The following KCNMB2 variants were observed in gnomAD, a reference collection of about 807,000 sequenced individuals.
KCNMB2 encodes the protein calcium-activated potassium channel subunit beta-2.
Under a neutral mutation model 24.5 loss-of-function variants are expected in KCNMB2, and 9 were observed. The observed-to-expected ratio is 0.37, with a 90% CI of 0.22 to 0.64. KCNMB2 has a LOEUF of 0.64. Ranked by LOEUF, KCNMB2 falls within the 30% of genes least tolerant of loss-of-function variation. The probability of loss-of-function intolerance (pLI) is 0.63; values close to 1 mark genes in which losing one functional copy is unlikely to be tolerated. For missense variants in KCNMB2, 226 were observed against 284.3 expected (o/e 0.79, Z 1.47); for synonymous variants, 109 against 104.4 (o/e 1.04, Z -0.27).
intron 2 of KCNMB2, among the ~76,000 whole-genome samples, chr3:178,815,002 T>C (rs1433281112): frequency 1.3e-5 from 2 of 150,416 alleles, no homozygotes; most frequent in Non-Finnish European, 2.9e-5. Flanking sequence ...ATTTTTGGTT[T>C]TGTTCCATTT....
chr3:178,733,278 C>T (rs6443573), intron 1 of KCNMB2, among the ~76,000 whole-genome samples: 73,750 of 151,652 alleles, frequency 0.49, 18,411 homozygotes, highest in African/African-American at 0.61. Context: ...CACTGATATA[C>T]TCCAAGCACA....
intron 1 of KCNMB2, among the ~76,000 whole-genome samples, chr3:178,728,062 G>A (rs1723022399): frequency 6.6e-6 from 1 of 152,166 alleles, no homozygotes; most frequent in Non-Finnish European, 1.5e-5. Context: ...CATGGAACTG[G>A]CTATCTGTGA....
intron 1 of KCNMB2, among the ~76,000 whole-genome samples, chr3:178,582,111 C>G (rs868690598): frequency 2.1e-4 from 32 of 152,134 alleles, no homozygotes; most frequent in South Asian, 1.0e-3. Flanking sequence ...GCTAGCAACC[C>G]AAATGCCCAT....
chr3:178,789,964 C>T (rs1436068081), intron 1 of KCNMB2, among the ~76,000 whole-genome samples: 4 of 151,892 alleles, frequency 2.6e-5, no homozygotes, highest in Admixed American at 6.6e-5. Flanking sequence ...TCCCCCAAAC[C>T]CAGGCAGTGC....
intron 1 of KCNMB2, among the ~76,000 whole-genome samples, chr3:178,700,093 G>T (rs1722034425): frequency 6.6e-6 from 1 of 152,296 alleles, no homozygotes; most frequent in South Asian, 2.1e-4. Flanking sequence ...GTATTACCAA[G>T]ATGACTGAGA....
intron 1 of KCNMB2, among the ~76,000 whole-genome samples, chr3:178,577,053 C>T (rs999911835): frequency 1.3e-5 from 2 of 152,152 alleles, no homozygotes; most frequent in Non-Finnish European, 2.9e-5. Context: ...GACTGGGAGA[C>T]ACCTCCCAGC....
intron 1 of KCNMB2, among the ~76,000 whole-genome samples, chr3:178,620,668 C>T (rs71308197): frequency 4.6e-5 from 7 of 152,166 alleles, no homozygotes; most frequent in South Asian, 2.1e-4. Context: ...TCATTTTACA[C>T]GTTAGGATTT....
At chr3:178,795,677 C>T (rs986514990) in intron 1 of KCNMB2, among the ~76,000 whole-genome samples, 1 of 152,196 alleles carries the variant, frequency 6.6e-6, no homozygotes, top group Non-Finnish European at 1.5e-5. Context: ...GCACCTTGAC[C>T]TTAGCCCAGT....
intron 1 of KCNMB2, among the ~76,000 whole-genome samples, chr3:178,681,540 T>C (rs146566603): frequency 4.6e-5 from 7 of 152,330 alleles, no homozygotes; most frequent in African/African-American, 1.4e-4. Context: ...ACTTTGGTTC[T>C]TACAACAACC....
chr3:178,586,870 G>T (rs753111566), intron 1 of KCNMB2, among the ~76,000 whole-genome samples: 2 of 151,852 alleles, frequency 1.3e-5, no homozygotes, highest in Non-Finnish European at 2.9e-5. Flanking sequence ...TTCTCTTGTG[G>T]TTTCTCGGTT....
intron 1 of KCNMB2, among the ~76,000 whole-genome samples, chr3:178,671,769 C>T (rs1205241550): frequency 6.6e-6 from 1 of 152,162 alleles, no homozygotes; most frequent in Non-Finnish European, 1.5e-5. Flanking sequence ...TTTTCTGAAA[C>T]AGTAGTTTTT....
chr3:178,735,459 G>A (rs546234037), intron 1 of KCNMB2, among the ~76,000 whole-genome samples: 2 of 152,190 alleles, frequency 1.3e-5, no homozygotes, highest in Non-Finnish European at 2.9e-5. Flanking sequence ...CTTAGTATGC[G>A]AGCCAACGCA....
intron 4 of KCNMB2, among the ~76,000 whole-genome samples, chr3:178,828,789 G>T (rs559334875): frequency 2.0e-5 from 3 of 152,194 alleles, no homozygotes; most frequent in African/African-American, 7.2e-5. Flanking sequence ...TGACCTCAGG[G>T]ATATAACAAC....
At position 178,843,664 on chromosome 3, in the gene KCNMB2, T is replaced by C. The variant is rs1236381386; in HGVS notation, c.*727T>C. ...GAGATGATACTTACAAGGAGTGTCA[T>C]TACCTGTGAGCTGACTGAATGTTGG... On this transcript the variant is annotated 3_prime_UTR_variant, in exon 5 of 5. Coordinates refer to ENST00000452583, the MANE Select transcript of KCNMB2 (RefSeq NM_181361.3). The C allele has an allele frequency of 6.5e-6, 1 of 153,450 alleles. No homozygotes were observed. The highest frequency in any genetic ancestry group is 6.5e-5 in the Admixed American group (1 of 15,362). 9.5% of individuals were successfully genotyped at this position (153,450 alleles called of 1,614,324 possible).
chr3:178,818,603 C>G (rs530533540), intron 2 of KCNMB2, among the ~76,000 whole-genome samples: 2 of 152,094 alleles, frequency 1.3e-5, no homozygotes, highest in Non-Finnish European at 2.9e-5. Context: ...ATCTTAATCT[C>G]CTCCATCATT....
chr3:178,616,126 C>T (rs1260894766), intron 1 of KCNMB2, among the ~76,000 whole-genome samples: 1 of 152,030 alleles, frequency 6.6e-6, no homozygotes, highest in Admixed American at 6.6e-5. Context: ...AGCTATGCAG[C>T]CTGAAGTGAG....
rs1321227347 is a variant in KCNMB2, at chr3:178,793,523, G to GGC, written c.-67-13819_-67-13818insCG. Among the ~76,000 whole-genome samples the GGC allele has an allele frequency of 2.6e-5, 4 of 151,614 alleles. 1 individual carries two copies. The highest frequency in any genetic ancestry group is 9.7e-5 in the African/African-American group (4 of 41,238). On this transcript the variant is annotated intron_variant, in intron 1 of 4. Coordinates refer to ENST00000452583, the MANE Select transcript of KCNMB2 (RefSeq NM_181361.3). Reference sequence around the variant, plus strand: ...AAGCTGCTCTTCACCCTGGGGGGGTGGGCAATGGACAGCAGAAGGACTCAG... The same window carrying GGC: ...AAGCTGCTCTTCACCCTGGGGGGGTGGCGGCAATGGACAGCAGAAGGACTCAG...
intron 1 of KCNMB2, among the ~76,000 whole-genome samples, chr3:178,744,223 G>T (rs906105475): frequency 5.9e-5 from 9 of 152,194 alleles, no homozygotes; most frequent in African/African-American, 2.2e-4. Context: ...CTGATAAATT[G>T]TTGACATGAT....
At chr3:178,758,081 T>TAC (rs1168177887) in intron 1 of KCNMB2, among the ~76,000 whole-genome samples, 5 of 80,240 alleles carry the variant, frequency 6.2e-5, no homozygotes, top group African/African-American at 1.7e-4. Context: ...TATATATATA[T>TAC]ACACAAGAGG....
Sources: gnomAD v4.1 joint callset for allele counts (sites outside exome capture counted in the v4.1 genomes callset) on GRCh38, gnomAD v4.1.1 for gene constraint, MANE v1.5 for transcripts, NCBI Gene and HGNC (gene_info 2026-07-23, HGNC 2026-07-21) for gene names.